The following NREP variants were observed in gnomAD, a reference collection of about 807,000 sequenced individuals.
The protein encoded by NREP is neuronal regeneration related protein.
A neutral mutation model predicts 8.6 loss-of-function variants in NREP; 5 were observed. That is an observed-to-expected ratio of 0.58 (90% CI 0.30 to 1.22). NREP has a LOEUF of 1.22. NREP is among the 50% of genes most tolerant of loss of function. The pLI, the probability that NREP is intolerant of heterozygous loss-of-function variation, is 0.07. For missense variants in NREP, 86 were observed against 82.5 expected, an observed-to-expected ratio of 1.04 and a Z score of -0.17; for synonymous variants, 27 against 28.0, an observed-to-expected ratio of 0.96 and a Z score of 0.11.
chr5:111,771,196 A>C (rs1445567409), intron 2 of NREP, among the ~76,000 whole-genome samples: 5 of 152,210 alleles, frequency 3.3e-5, no homozygotes, highest in Non-Finnish European at 7.3e-5. Context: ...AGGGAAGAAT[A>C]AAAGGAGCAG....
chr5:111,833,765 A>T (rs1752829921), intron 2 of NREP, among the ~76,000 whole-genome samples: 1 of 152,176 alleles, frequency 6.6e-6, no homozygotes. Context: ...TGGCATACTC[A>T]TGGGAAAACT....
intron 2 of NREP, among the ~76,000 whole-genome samples, chr5:111,770,630 A>G (rs936181492): frequency 7.0e-6 from 1 of 143,404 alleles, no homozygotes; most frequent in African/African-American, 2.6e-5. Context: ...GAGTACAGCG[A>G]AACAATCACG....
In NREP at chr5:111,911,801, T is replaced by C. The variant is rs113517679; in HGVS notation, c.135+63473A>G. 4.5e-3 allele frequency among the ~76,000 whole-genome samples: 678 copies of C among 152,196 alleles called. 1 individual carries two copies. The highest frequency in any genetic ancestry group is 8.0e-3 in the Non-Finnish European group (547 of 67,972). On this transcript the variant is annotated intron_variant, in intron 2 of 3. Transcript: ENST00000395634. Reference sequence around the variant, plus strand: ...GCTTGAGGAGACCTCTGCATAGACATAGAATCCAAACCGAAAATAATTTAT... The same window carrying C: ...GCTTGAGGAGACCTCTGCATAGACACAGAATCCAAACCGAAAATAATTTAT...
intron 2 of NREP, among the ~76,000 whole-genome samples, chr5:111,829,923 G>A (rs996242241): frequency 1.3e-5 from 2 of 152,096 alleles, no homozygotes; most frequent in Admixed American, 1.3e-4. Context: ...TTACAGCCCT[G>A]GACTGGGTGT....
intron 2 of NREP, among the ~76,000 whole-genome samples, chr5:111,812,877 T>C (rs1245369357): frequency 6.6e-6 from 1 of 152,060 alleles, no homozygotes; most frequent in Non-Finnish European, 1.5e-5. Context: ...TTCCTAAGAG[T>C]TGTGTATGAT....
intron 2 of NREP, among the ~76,000 whole-genome samples, chr5:111,971,051 C>A (rs1756802739): frequency 6.6e-6 from 1 of 151,968 alleles, no homozygotes; most frequent in African/African-American, 2.4e-5. Flanking sequence ...TAACAAGTTC[C>A]CCTTCCCCTA....
chr5:111,919,383 A>G (rs1755159690), intron 2 of NREP, among the ~76,000 whole-genome samples: 1 of 152,154 alleles, frequency 6.6e-6, no homozygotes, highest in Non-Finnish European at 1.5e-5. Flanking sequence ...GTATATACCC[A>G]AATGATTATA....
intron 2 of NREP, among the ~76,000 whole-genome samples, chr5:111,950,202 C>T (rs971837307): frequency 2.2e-4 from 33 of 151,800 alleles, no homozygotes; most frequent in African/African-American, 7.7e-4. Flanking sequence ...ATATATAGAC[C>T]AATGGAACAG....
chr5:111,933,937 G>C (rs953803782), intron 2 of NREP, among the ~76,000 whole-genome samples: 3 of 152,128 alleles, frequency 2.0e-5, no homozygotes, highest in African/African-American at 7.2e-5. Flanking sequence ...GCTAAAAAGA[G>C]CGAGGTTTGG....
At chr5:111,876,898 C>T (rs779904404) in intron 2 of NREP, among the ~76,000 whole-genome samples, 10 of 152,166 alleles carry the variant, frequency 6.6e-5, no homozygotes, top group Non-Finnish European at 1.0e-4. Flanking sequence ...AGTTAAATAA[C>T]TTGTCCAAAG....
At chr5:111,801,450 A>T (rs767694393) in intron 2 of NREP, among the ~76,000 whole-genome samples, 2 of 152,186 alleles carry the variant, frequency 1.3e-5, no homozygotes, top group Admixed American at 6.5e-5. Flanking sequence ...ATCTGTATTC[A>T]CCAATCACTT....
intron 2 of NREP, among the ~76,000 whole-genome samples, chr5:111,936,217 G>A (rs1403536448): frequency 6.6e-6 from 1 of 152,070 alleles, no homozygotes; most frequent in African/African-American, 2.4e-5. Context: ...ATAATTTTGT[G>A]TTGAGGGAGA....
At chr5:111,780,611 A>C (rs573900903) in intron 2 of NREP, among the ~76,000 whole-genome samples, 1 of 152,190 alleles carries the variant, frequency 6.6e-6, no homozygotes, top group Non-Finnish European at 1.5e-5. Context: ...TATGTAAATC[A>C]TGGAAGGAGA....
At chr5:111,822,391 A>G (rs1321755920) in intron 2 of NREP, among the ~76,000 whole-genome samples, 2 of 152,220 alleles carry the variant, frequency 1.3e-5, no homozygotes, top group African/African-American at 4.8e-5. Flanking sequence ...AGTTTGATAT[A>G]ATAGAATTAG....
At chr5:111,785,447 T>G (rs1013298989) in intron 2 of NREP, among the ~76,000 whole-genome samples, 3 of 151,966 alleles carry the variant, frequency 2.0e-5, no homozygotes, top group African/African-American at 7.2e-5. Context: ...CCGGACTAAT[T>G]TTTTGTATTT....
chr5:111,772,397 G>C (rs539366887), intron 2 of NREP, among the ~76,000 whole-genome samples: 2 of 152,158 alleles, frequency 1.3e-5, no homozygotes, highest in South Asian at 4.2e-4. Flanking sequence ...TAAATTTATA[G>C]AAACAATTTT....
Position 111,880,725 on chromosome 5 carries a change from T to A in NREP, c.135+94549A>T, listed in dbSNP as rs138947351. On this transcript the variant is annotated intron_variant, in intron 2 of 3. Transcript: ENST00000395634. ...AATTTAGTGCATAACACTAGGAACATAAGCCTTTTTTTTTTTTTTTTTTTT... is the reference window on the plus strand; with the variant it reads ...AATTTAGTGCATAACACTAGGAACAAAAGCCTTTTTTTTTTTTTTTTTTTT... Among the ~76,000 whole-genome samples, 1,092 of 139,818 alleles carry A rather than the reference T, an allele frequency of 7.8e-3. 12 individuals carry two copies. The highest frequency in any genetic ancestry group is 0.027 in the African/African-American group (1,022 of 38,124). 91.7% of individuals were successfully genotyped at this position (139,818 alleles called of 152,430 possible).
At chr5:111,904,992 C>T (rs1416888096) in intron 2 of NREP, among the ~76,000 whole-genome samples, 1 of 152,020 alleles carries the variant, frequency 6.6e-6, no homozygotes, top group Non-Finnish European at 1.5e-5. Context: ...TACCTGTATT[C>T]CCCATATCTC....
intron 2 of NREP, among the ~76,000 whole-genome samples, chr5:111,800,794 T>C (rs1751987630): frequency 6.6e-6 from 1 of 152,216 alleles, no homozygotes; most frequent in Non-Finnish European, 1.5e-5. Flanking sequence ...CTCAAGAAAT[T>C]GCAAAAACAG....
Sources: gnomAD v4.1 joint callset for allele counts (sites outside exome capture counted in the v4.1 genomes callset) on GRCh38, gnomAD v4.1.1 for gene constraint, MANE v1.5 for transcripts, NCBI Gene and HGNC (gene_info 2026-07-23, HGNC 2026-07-21) for gene names.